The following GSTO2 variants were observed in gnomAD, a reference collection of about 807,000 sequenced individuals.
The protein encoded by GSTO2 is glutathione S-transferase omega 2.
Under a neutral mutation model 28.4 loss-of-function variants are expected in GSTO2, and 23 were observed. The observed-to-expected ratio is 0.81, with a 90% CI of 0.58 to 1.15. GSTO2 has a LOEUF of 1.15. Among genes scored for constraint, GSTO2 ranks in the 50% most tolerant of loss-of-function variants. The pLI is 0.00. For missense variants in GSTO2, 298 were observed against 297.8 expected (o/e 1.00, Z 0.00); for synonymous variants, 109 against 111.0 (o/e 0.98, Z 0.11).
At chr10:104,290,946 C>G (rs1406565429) in intron 5 of GSTO2, among the ~76,000 whole-genome samples, 1 of 152,118 alleles carries the variant, frequency 6.6e-6, no homozygotes, top group African/African-American at 2.4e-5. Flanking sequence ...GTGGATACCC[C>G]ATTCTCCATG....
chr10:104,269,634 G>A (rs186251353), intron 1 of GSTO2, among the ~76,000 whole-genome samples: 3 of 152,344 alleles, frequency 2.0e-5, no homozygotes, highest in Admixed American at 2.0e-4. Flanking sequence ...GCAAGCAGGG[G>A]AATTTGGTTT....
rs1287295859 is a variant in GSTO2 at position 104,302,672 on chromosome 10, A to G, written c.*3388A>G. 6.6e-6 allele frequency: 1 copy of G among 152,224 alleles called. No homozygotes were observed. Among genetic ancestry groups the G allele is most frequent in the African/African-American group, 2.4e-5 (1 of 41,446 alleles). The allele number at this position is 152,224 out of a possible 1,614,324, so 9.4% of individuals were successfully genotyped here. The stretch of plus-strand genomic sequence containing the variant: ...TAATCCCCAATGCTGGTGGGAGGTG[A>G]TTGGATCATGGGGGTAGATTTCTCA... On this transcript the variant is annotated 3_prime_UTR_variant, in exon 7 of 7. Transcript: ENST00000338595.
chr10:104,302,490 G>C lies in GSTO2; in HGVS notation c.*3206G>C, dbSNP rs983518445. On this transcript the variant is annotated 3_prime_UTR_variant, in exon 7 of 7. Coordinates refer to ENST00000338595, the MANE Select transcript of GSTO2 (RefSeq NM_183239.2). ...TCCAGTTACAATCTAACATGGCTAG[G>C]GGGAGGAGGGAGCATGATGGGGCAG... 2 of 152,436 alleles carry C rather than the reference G, an allele frequency of 1.3e-5. No homozygotes were observed. The highest frequency in any genetic ancestry group is 6.5e-5 in the Admixed American group (1 of 15,282). The allele number at this position is 152,436 out of a possible 1,614,324, so 9.4% of individuals were successfully genotyped here. A position where few individuals can be genotyped will look rare whatever the true frequency, so the allele number is the denominator to read the frequency against.
chr10:104,282,225 CAAA>C (rs71022727), intron 5 of GSTO2, among the ~76,000 whole-genome samples: 3 of 88,946 alleles, frequency 3.4e-5, no homozygotes, highest in Non-Finnish European at 2.4e-5. Context: ...GACTCTGTTT[CAAA>C]AAAAAAAAAA....
chr10:104,297,651 G>T lies in GSTO2; in HGVS notation c.542G>T (p.Trp181Leu), dbSNP rs2013104245. 15 of 1,613,574 alleles carry T rather than the reference G, an allele frequency of 9.3e-6. No individual in the cohort carries two copies. The highest frequency in any genetic ancestry group is 2.7e-5 in the African/African-American group (2 of 74,874). Residue 181 changes from tryptophan (W) to leucine (L), a missense_variant, in exon 6 of 7, where the codon TGG becomes TTG. Transcript: ENST00000338595. Reference protein sequence around the residue: ...ISMIDYLLWPWFERLDVYGIL... With the variant: ...ISMIDYLLWPLFERLDVYGIL... The stretch of plus-strand genomic sequence containing the variant: ...ATGATTGATTACCTCCTCTGGCCCT[G>T]GTTTGAGCGGCTGGATGTGTATGGG...
intron 5 of GSTO2, among the ~76,000 whole-genome samples, chr10:104,288,654 G>A (rs986183902): frequency 2.0e-5 from 3 of 152,166 alleles, no homozygotes; most frequent in Admixed American, 6.5e-5. Flanking sequence ...AGGTTTTCCC[G>A]GAAGTATGTC....
chr10:104,276,318 TAAC>T (rs1392122383), intron 3 of GSTO2, among the ~76,000 whole-genome samples: 4 of 152,206 alleles, frequency 2.6e-5, no homozygotes, highest in African/African-American at 9.6e-5. Context: ...TTGAGGAAAA[TAAC>T]AACAACTGGA....
intron 5 of GSTO2, chr10:104,294,922 G>C (rs530590046): frequency 1.3e-5 from 2 of 152,272 alleles, no homozygotes; most frequent in South Asian, 4.1e-4. Context: ...CTTTACCAAA[G>C]GACCCACCAT....
chr10:104,298,645 C>T (rs944128512), intron 6 of GSTO2, among the ~76,000 whole-genome samples: 5 of 152,164 alleles, frequency 3.3e-5, no homozygotes, highest in South Asian at 2.1e-4. Context: ...AGAGCCCTGT[C>T]GGCTCCATGA....
chr10:104,271,016 C>T (rs376816889), intron 1 of GSTO2, among the ~76,000 whole-genome samples: 1 of 152,268 alleles, frequency 6.6e-6, no homozygotes, highest in African/African-American at 2.4e-5. Context: ...GGTCTACTTA[C>T]AATTTGTTTC....
At chr10:104,282,859 G>A (rs1014417364) in intron 5 of GSTO2, among the ~76,000 whole-genome samples, 2 of 152,196 alleles carry the variant, frequency 1.3e-5, no homozygotes, top group African/African-American at 4.8e-5. Flanking sequence ...TGCGGGCAGA[G>A]CTTAGAAGAA....
intron 5 of GSTO2, among the ~76,000 whole-genome samples, chr10:104,282,418 G>C (rs561805650): frequency 1.6e-4 from 25 of 151,892 alleles, no homozygotes; most frequent in Non-Finnish European, 3.2e-4. Flanking sequence ...GCTTGGCATG[G>C]TGGCTTATGC....
chr10:104,270,492 TA>T (rs1401330383), intron 1 of GSTO2, among the ~76,000 whole-genome samples: 1 of 151,798 alleles, frequency 6.6e-6, no homozygotes, highest in East Asian at 1.9e-4. Context: ...AATATTTATT[TA>T]AAAAGTTTTT....
At chr10:104,291,820 A>G (rs191168890) in intron 5 of GSTO2, among the ~76,000 whole-genome samples, 48 of 152,346 alleles carry the variant, frequency 3.2e-4, no homozygotes, top group African/African-American at 1.1e-3. Flanking sequence ...AGATTTTTCT[A>G]ATATTCCAGA....
rs778844897 is a variant in GSTO2, at chr10:104,275,211, A to G, written c.35-15A>G. ...GCCTCTCCTTTCCCTGTCCCCCTCC[A>G]TCGCTGCTCTGCAGGAAGCCAGCCC... On this transcript the variant is annotated splice_polypyrimidine_tract_variant and intron_variant, in intron 2 of 6. Coordinates refer to ENST00000338595, the MANE Select transcript of GSTO2 (RefSeq NM_183239.2). The G allele has an allele frequency of 5.0e-6, 8 of 1,605,538 alleles. No individual in the cohort carries two copies. Among genetic ancestry groups the G allele is most frequent in the Non-Finnish European group, 6.8e-6 (8 of 1,175,916 alleles).
At position 104,275,268 on chromosome 10, in the gene GSTO2, T is replaced by G. The variant is rs370924472; in HGVS notation, c.77T>G (p.Ile26Ser). The change falls in exon 3 of 7, where the codon ATC (isoleucine) becomes AGC (serine). Residue 26 changes from isoleucine (I) to serine (S), a missense_variant. Transcript: ENST00000338595. Reference sequence around the variant, plus strand: ...CCAGTCCCGGAGGGGCTGATCCGCATCTACAGCATGAGGTTCTGCCCCTAT... The same window carrying G: ...CCAGTCCCGGAGGGGCTGATCCGCAGCTACAGCATGAGGTTCTGCCCCTAT... ...PGPVPEGLIRIYSMRFCPYSH... is the reference protein window; with the variant it reads ...PGPVPEGLIRSYSMRFCPYSH... 1.9e-6 allele frequency: 3 copies of G among 1,613,908 alleles called. No individual in the cohort carries two copies. In the African/African-American group the frequency reaches 4.0e-5, roughly 22 times the overall value.
At chr10:104,298,321 G>A (rs1281606709) in intron 6 of GSTO2, among the ~76,000 whole-genome samples, 1 of 152,200 alleles carries the variant, frequency 6.6e-6, no homozygotes, top group African/African-American at 2.4e-5. Context: ...CTCATGGTGG[G>A]TGCTGGACAT....
chr10:104,278,012 A>G lies in GSTO2; in HGVS notation c.262A>G (p.Ile88Val), dbSNP rs1240489950. 1 of 1,614,138 alleles carries G rather than the reference A, an allele frequency of 6.2e-7. No individual in the cohort carries two copies. The highest frequency in any genetic ancestry group is 2.2e-5 in the East Asian group (1 of 44,890). ...ATGTCAACTGATCTATGAATCTGTT[A>G]TTGCTTGTGAGTACCTGGATGATGC... The part of the protein sequence containing the change: ...SQCQLIYESV[I>V]ACEYLDDAYP... The change falls in exon 4 of 7, where the codon ATT becomes GTT. Residue 88 changes from isoleucine (I) to valine (V), a missense_variant. Coordinates refer to ENST00000338595, the MANE Select transcript of GSTO2 (RefSeq NM_183239.2).
At chr10:104,271,498 C>T (rs2011404460) in intron 1 of GSTO2, among the ~76,000 whole-genome samples, 3 of 152,170 alleles carry the variant, frequency 2.0e-5, no homozygotes, top group South Asian at 4.1e-4. Context: ...TTGGTGTTCT[C>T]ATTTTGCAGG....
Sources: allele counts gnomAD v4.1 joint callset (sites outside exome capture counted in the v4.1 genomes callset), GRCh38; gene constraint gnomAD v4.1.1; transcripts MANE v1.5; gene names NCBI Gene and HGNC (gene_info 2026-07-23, HGNC 2026-07-21).